The following PRSS41 variants were observed in gnomAD, a reference collection of about 807,000 sequenced individuals.
PRSS41 encodes the protein serine protease 41.
In PRSS41, 37 loss-of-function variants were observed where a neutral mutation model predicts 28.8. The ratio of observed to expected loss-of-function variants is 1.29; its 90% CI spans 0.99 to 1.69. PRSS41 has a LOEUF of 1.69. Among genes scored for constraint, PRSS41 ranks in the 40% most tolerant of loss-of-function variants. PRSS41 has a pLI of 0.00. For missense variants in PRSS41, 431 were observed against 400.7 expected (o/e 1.08, Z -0.65); for synonymous variants, 195 against 163.1 (o/e 1.20, Z -1.49).
At chr16:2,805,281 T>C in exon 6 of PRSS41, 1 of 637,142 alleles carries the variant, frequency 1.6e-6, no homozygotes. Context: ...TCTCGTTTGC[T>C]AATAAATACG....
chr16:2,804,949 T>G, exon 6 of PRSS41: 1 of 1,589,832 alleles, frequency 6.3e-7, no homozygotes, highest in South Asian at 1.1e-5. Context: ...GTGACAAGGA[T>G]GGACTGTGGT....
At chr16:2,804,471 G>C (rs940720170) in exon 5 of PRSS41, 14 of 1,551,640 alleles carry the variant, frequency 9.0e-6, no homozygotes, top group Non-Finnish European at 1.2e-5. Context: ...TGTTTGAACA[G>C]CCCTCTAGCC....
exon 4 of PRSS41, chr16:2,799,286 G>T: frequency 6.4e-7 from 1 of 1,551,372 alleles, no homozygotes. Context: ...TTTCTGCTAG[G>T]CACTACTATC....
chr16:2,801,879 G>A (rs1413765259), intron 4 of PRSS41, among the ~76,000 whole-genome samples: 1 of 152,088 alleles, frequency 6.6e-6, no homozygotes, highest in Admixed American at 6.5e-5. Context: ...CGGGGTGGTG[G>A]CCGGGCAGAG....
At chr16:2,803,608 C>T (rs1005052797) in intron 4 of PRSS41, among the ~76,000 whole-genome samples, 1 of 152,152 alleles carries the variant, frequency 6.6e-6, no homozygotes, top group Non-Finnish European at 1.5e-5. Context: ...ATAATACTGA[C>T]TTTTATATTT....
chr16:2,799,602 G>T, intron 4 of PRSS41, 33 bp downstream of exon 4: 1 of 1,544,842 alleles, frequency 6.5e-7, no homozygotes, highest in South Asian at 1.2e-5. Flanking sequence ...TGGGGTGATG[G>T]GGGTGCGGGG....
chr16:2,799,046 G>A lies in PRSS41; in HGVS notation c.179G>A (p.Arg60His), dbSNP rs546367275. The change falls in exon 3 of 6, where the codon CGC (arginine) becomes CAC (histidine). Residue 60 changes from arginine to histidine, a missense_variant. By Grantham distance (29) the Arg-to-His change is conservative. Coordinates refer to ENST00000399677, the Ensembl canonical transcript of PRSS41. ...CGCTGGCCATGGCAGGCCAGCCTGC[G>A]CCTGAGGAGACGCCACCGATGTGGA... 5.3e-3 allele frequency: 8,170 copies of A among 1,532,902 alleles called. 29 individuals are homozygous for A. Among genetic ancestry groups the A allele is most frequent in the Non-Finnish European group, 6.6e-3 (7,525 of 1,145,546 alleles). The allele number at this position is 1,532,902 out of a possible 1,614,324, so 95.0% of individuals were successfully genotyped here. A position where few individuals can be genotyped will look rare whatever the true frequency, so the allele number is the denominator to read the frequency against.
exon 4 of PRSS41, chr16:2,799,425 A>G: frequency 6.4e-7 from 1 of 1,552,118 alleles, no homozygotes; most frequent in East Asian, 2.4e-5. Context: ...GGTTTTACGC[A>G]ATGACATTGC....
At chr16:2,798,986 C>T (rs1388554830) in exon 3 of PRSS41, 7 of 1,532,744 alleles carry the variant, frequency 4.6e-6, no homozygotes, top group South Asian at 1.2e-5. Flanking sequence ...GAAATTCACG[C>T]GCTGGTGGCG....
intron 4 of PRSS41, among the ~76,000 whole-genome samples, chr16:2,803,258 T>A (rs1157767007): frequency 6.6e-6 from 1 of 152,222 alleles, no homozygotes; most frequent in Non-Finnish European, 1.5e-5. Flanking sequence ...TGTTTCTTAT[T>A]TCCTCATTTT....
intron 4 of PRSS41, among the ~76,000 whole-genome samples, chr16:2,802,152 C>T (rs2068992192): frequency 6.6e-6 from 1 of 151,456 alleles, no homozygotes; most frequent in Admixed American, 6.6e-5. Context: ...AGAGGGTCTC[C>T]TCACTTCTCA....
At chr16:2,804,257 G>C in intron 4 of PRSS41, 132 bp from the exon 5 acceptor site, 1 of 896,234 alleles carries the variant, frequency 1.1e-6, no homozygotes, top group Non-Finnish European at 1.7e-6. Context: ...GGGGAGTCAA[G>C]AGCAATGCTG....
intron 4 of PRSS41, among the ~76,000 whole-genome samples, chr16:2,802,223 G>A (rs1223720711): frequency 1.3e-5 from 2 of 150,828 alleles, no homozygotes; most frequent in Non-Finnish European, 3.0e-5. Flanking sequence ...CCGGGCAGAG[G>A]CGCTCCTCAC....
Position 2,802,486 on chromosome 16 carries a change from C to T in PRSS41, c.542-1903C>T, listed in dbSNP as rs566979971. Among the ~76,000 whole-genome samples, 6 of 152,180 alleles carry T rather than the reference C, an allele frequency of 3.9e-5. No homozygotes were observed. In the East Asian group the frequency reaches 5.8e-4, roughly 15 times the overall value. ...CTCACTTCCCAGACGGGATGGCGGC[C>T]GGGCAGAGGCTGCAATCTCGGCACT... On this transcript the variant is annotated intron_variant, in intron 4 of 5. Transcript: ENST00000399677.
At chr16:2,804,652 T>C (rs778085177) in intron 5 of PRSS41, 106 bp downstream of exon 5, 15 of 1,185,378 alleles carry the variant, frequency 1.3e-5, no homozygotes, top group African/African-American at 1.5e-5. Context: ...TTAGATTTCT[T>C]AGGAGAAAAC....
intron 4 of PRSS41, among the ~76,000 whole-genome samples, chr16:2,800,212 T>G (rs977331251): frequency 2.6e-5 from 4 of 152,186 alleles, no homozygotes; most frequent in African/African-American, 9.6e-5. Flanking sequence ...TACTTAAACA[T>G]ATCTAAACAG....
Position 2,798,712 on chromosome 16 carries a change from G to A in PRSS41, c.91+50G>A, listed in dbSNP as rs897087719. On this transcript the variant is annotated intron_variant, in intron 2 of 5. Coordinates refer to ENST00000399677, the Ensembl canonical transcript of PRSS41. ...CCAGCCAGGGCGGCTGGGCCGGGGT[G>A]CACGGGGGCCCATCTACTGCTCTCT... is the stretch of plus-strand genomic sequence containing the variant. The A allele has an allele frequency of 2.1e-5, 30 of 1,401,354 alleles. No homozygotes were observed. In the Admixed American group the frequency reaches 8.5e-4, roughly 40 times the overall value. 86.8% of individuals were successfully genotyped at this position (1,401,354 alleles called of 1,614,324 possible).
At chr16:2,804,519 T>C (rs545899205) in exon 5 of PRSS41, 1 of 1,551,228 alleles carries the variant, frequency 6.4e-7, no homozygotes, top group African/African-American at 1.4e-5. Context: ...GTGCTGGTGC[T>C]GAGGATGGCA....
intron 4 of PRSS41, among the ~76,000 whole-genome samples, chr16:2,801,958 C>G (rs2068989616): frequency 1.3e-5 from 2 of 148,792 alleles, no homozygotes; most frequent in African/African-American, 5.0e-5. Context: ...GGGCGGCTGG[C>G]CGGGCGGGGG....
Sources: gnomAD v4.1 joint callset for allele counts (sites outside exome capture counted in the v4.1 genomes callset) on GRCh38, gnomAD v4.1.1 for gene constraint, MANE v1.5 for transcripts, NCBI Gene and HGNC (gene_info 2026-07-23, HGNC 2026-07-21) for gene names.